The following GNL3L variants were observed in gnomAD, a reference collection of about 807,000 sequenced individuals.
GNL3L encodes the protein guanine nucleotide-binding protein-like 3-like protein.
In GNL3L, 4 loss-of-function variants were observed where a neutral mutation model predicts 42.9. That is an observed-to-expected ratio of 0.09 (90% CI 0.05 to 0.21). GNL3L has a LOEUF of 0.21. GNL3L is among the 10% of genes least tolerant of loss of function. The pLI is 1.00. For missense variants in GNL3L, 412 were observed against 481.7 expected (o/e 0.86, Z 1.36); for synonymous variants, 159 against 176.3 (o/e 0.90, Z 0.78).
At chrX:54,543,462 G>A (rs1356398844) in intron 7 of GNL3L, 120 bp downstream of exon 7, 3 of 746,851 alleles carry the variant, frequency 4.0e-6, no homozygotes, top group East Asian at 3.4e-5. Flanking sequence ...ATGCAAAGTA[G>A]AAATTTTTGT....
At position 54,563,958 on chromosome X, in the gene GNL3L, T is replaced by A. The variant is rs1243597552; in HGVS notation, c.*3356T>A. On this transcript the variant is annotated 3_prime_UTR_variant, in exon 16 of 16. Transcript: ENST00000360845. The stretch of plus-strand genomic sequence containing the variant: ...AAAGTTCACTCTTTATAGTTTTAGT[T>A]ATGTGAGTTTGTACAAACATATACA... 9.0e-6 allele frequency among the ~76,000 whole-genome samples: 1 copy of A among 111,473 alleles called. No homozygotes were observed. Among genetic ancestry groups the A allele is most frequent in the Admixed American group, 9.6e-5 (1 of 10,419 alleles).
At chrX:54,547,999 G>A (rs769361026) in intron 8 of GNL3L, among the ~76,000 whole-genome samples, 2 of 111,887 alleles carry the variant, frequency 1.8e-5, no homozygotes, top group South Asian at 7.5e-4. Flanking sequence ...CACTGCCGAG[G>A]GAGGCAAGTG....
At chrX:54,599,945 A>G (rs1427286748) in intron 16 of GNL3L, among the ~76,000 whole-genome samples, 1 of 110,458 alleles carries the variant, frequency 9.1e-6, no homozygotes, top group Admixed American at 9.7e-5. Context: ...TAGAGGCTTT[A>G]TATTTCTTTG....
the GNL3L span, among the ~76,000 whole-genome samples, chrX:54,628,910 A>ACATAAT: frequency 9.7e-6 from 1 of 102,722 alleles, no homozygotes; most frequent in African/African-American, 3.7e-5. Flanking sequence ...ATAAAACATA[A>ACATAAT]TATAATATAA....
At chrX:54,550,861 C>T (rs1190941522) in intron 9 of GNL3L, 102 bp from the exon 10 acceptor site, 3 of 530,021 alleles carry the variant, frequency 5.7e-6, no homozygotes, top group East Asian at 7.2e-5. Context: ...TTGGCTTCCC[C>T]ATGGCCTGGT....
intron 16 of GNL3L, among the ~76,000 whole-genome samples, chrX:54,587,224 C>T (rs1484044408): frequency 8.9e-6 from 1 of 112,206 alleles, no homozygotes; most frequent in African/African-American, 3.2e-5. Context: ...CTTAGCCCAC[C>T]ACTGCCACCA....
chrX:54,605,937 T>A (rs777804473), intron 16 of GNL3L, among the ~76,000 whole-genome samples: 3 of 111,431 alleles, frequency 2.7e-5, no homozygotes, highest in African/African-American at 9.8e-5. Context: ...CATCCTGATT[T>A]TTGGTGGAAA....
chrX:54,576,653 A>G (rs1925638328), intron 16 of GNL3L, among the ~76,000 whole-genome samples: 1 of 109,896 alleles, frequency 9.1e-6, no homozygotes. Flanking sequence ...TTTAGTAGAG[A>G]TGGAGTTTCA....
At position 54,551,667 on chromosome X, in the gene GNL3L, C is replaced by G; in HGVS notation, c.963C>G (p.Asn321Lys). The stretch of plus-strand genomic sequence containing the variant: ...CAGAGGTGGGCACCATCCTGCGTAA[C>G]TGCGTCCACGTGCAGAAGCTGGCAG... Reference protein sequence around the residue: ...PNSEVGTILRNCVHVQKLADP... With the variant: ...PNSEVGTILRKCVHVQKLADP... The change falls in exon 11 of 16, where the codon AAC (asparagine) becomes AAG (lysine). Residue 321 changes from asparagine (N) to lysine (K), a missense_variant. Physicochemically the swap from Asn to Lys is moderately conservative, Grantham distance 94. Transcript: ENST00000360845. 1 of 1,211,111 alleles carries G rather than the reference C, an allele frequency of 8.3e-7. No homozygotes were observed. Among genetic ancestry groups the G allele is most frequent in the Non-Finnish European group, 1.1e-6 (1 of 894,769 alleles).
intron 14 of GNL3L, among the ~76,000 whole-genome samples, chrX:54,557,322 G>A (rs896822418): frequency 9.0e-5 from 10 of 110,835 alleles, no homozygotes; most frequent in Non-Finnish European, 1.7e-4. Flanking sequence ...GGAGTGCAGT[G>A]GTGTGATCTT....
At chrX:54,534,970 TTTG>T (rs1012026324) in intron 2 of GNL3L, among the ~76,000 whole-genome samples, 13 of 111,867 alleles carry the variant, frequency 1.2e-4, no homozygotes, top group East Asian at 5.6e-4. Context: ...TCACATTTTT[TTTG>T]TTGTTGTTGT....
chrX:54,615,239 T>C (rs1331951706), intron 16 of GNL3L, among the ~76,000 whole-genome samples: 4 of 112,414 alleles, frequency 3.6e-5, no homozygotes, highest in African/African-American at 1.3e-4. Flanking sequence ...TGTTGTAGCA[T>C]GTATCAGTTT....
chrX:54,619,162 G>A (rs761950897), intron 16 of GNL3L, among the ~76,000 whole-genome samples: 5 of 109,981 alleles, frequency 4.5e-5, no homozygotes, highest in Non-Finnish European at 7.6e-5. Context: ...AAATACACAA[G>A]TATATATATA....
chrX:54,537,430 T>C (rs1037102470), intron 2 of GNL3L, among the ~76,000 whole-genome samples: 2 of 111,476 alleles, frequency 1.8e-5, no homozygotes, highest in Non-Finnish European at 3.8e-5. Context: ...TGCTTCTCCA[T>C]TTGTACCCTT....
the GNL3L span, among the ~76,000 whole-genome samples, chrX:54,640,797 T>C: frequency 1.8e-5 from 2 of 112,426 alleles, no homozygotes; most frequent in Non-Finnish European, 3.8e-5. Context: ...CTCCGGGTCT[T>C]GTCTGTCTCC....
At chrX:54,545,910 G>A (rs1924758810) in intron 8 of GNL3L, among the ~76,000 whole-genome samples, 1 of 112,228 alleles carries the variant, frequency 8.9e-6, no homozygotes, top group African/African-American at 3.2e-5. Context: ...GTGCAGTGGC[G>A]TGATGATAGC....
At chrX:54,537,087 A>G (rs1014546299) in intron 2 of GNL3L, among the ~76,000 whole-genome samples, 1 of 100,926 alleles carries the variant, frequency 9.9e-6, no homozygotes, top group African/African-American at 3.7e-5. Flanking sequence ...CAATGGTGCC[A>G]TCATAGCTCA....
the GNL3L span, among the ~76,000 whole-genome samples, chrX:54,635,929 C>T: frequency 9.0e-6 from 1 of 110,976 alleles, no homozygotes; most frequent in East Asian, 2.8e-4. Flanking sequence ...GGAGCATGCA[C>T]ATGGCTTTCT....
the GNL3L span, among the ~76,000 whole-genome samples, chrX:54,634,458 C>T: frequency 4.7e-5 from 5 of 106,794 alleles, no homozygotes; most frequent in African/African-American, 7.2e-5. Flanking sequence ...TGTGCCATCA[C>T]GCCCGGCTAA....
Sources: gnomAD v4.1 joint callset for allele counts (sites outside exome capture counted in the v4.1 genomes callset) on GRCh38, gnomAD v4.1.1 for gene constraint, MANE v1.5 for transcripts, NCBI Gene and HGNC (gene_info 2026-07-23, HGNC 2026-07-21) for gene names.